MEGF6: variants seen among roughly 807,000 people sequenced by gnomAD.
MEGF6 encodes the protein multiple epidermal growth factor-like domains protein 6.
In MEGF6, 184 loss-of-function variants were observed where a neutral mutation model predicts 207.1. The ratio of observed to expected loss-of-function variants is 0.89; its 90% confidence interval spans 0.79 to 1.00. The LOEUF is 1.00. Among genes scored for constraint, MEGF6 ranks in the 50% least tolerant of loss-of-function variants. The pLI is 0.00. For missense variants in MEGF6, 2,282 were observed against 2,202.9 expected, an observed-to-expected ratio of 1.04 and a Z score of -0.72; for synonymous variants, 1,038 against 910.0, an observed-to-expected ratio of 1.14 and a Z score of -2.53.
At chr1:3,492,885 G>T in intron 34 of MEGF6, 118 bp from the exon 35 acceptor site, 1 of 1,408,738 alleles carries the variant, frequency 7.1e-7, no homozygotes, top group Non-Finnish European at 9.6e-7. Flanking sequence ...CTTCTGCCTG[G>T]GTGTGTGCGG....
rs373426083 is a variant in MEGF6, at chr1:3,560,506, G to C, written c.481+19319C>G. Among the ~76,000 whole-genome samples the C allele has an allele frequency of 2.1e-4, 32 of 152,246 alleles. No homozygotes were observed. Among genetic ancestry groups the C allele is most frequent in the African/African-American group, 7.5e-4 (31 of 41,538 alleles). On this transcript the variant is annotated intron_variant, in intron 4 of 36. Coordinates refer to ENST00000356575, the MANE Select transcript of MEGF6 (RefSeq NM_001409.4). This position sits in a 1 kb window ranked among gnomAD's most constrained non-coding sequence, Gnocchi z 4.0. ...CCCCTGGCACCTCTGCTGTCTCTAC[G>C]GTGTGGCCTTTCCCAGCAGTGTGTG... is the stretch of plus-strand genomic sequence containing the variant.
rs968047846 is a variant in MEGF6, at chr1:3,611,498, T to C, written c.-230A>G. The stretch of plus-strand genomic sequence containing the variant: ...CCCTGCAGGAACTCGCCCCGGCGCG[T>C]TGAGCACAGTGCCCCGGACTCAGAG... On this transcript the variant is annotated 5_prime_UTR_variant, in exon 1 of 37. Coordinates refer to ENST00000356575, the MANE Select transcript of MEGF6 (RefSeq NM_001409.4). 6.0e-5 allele frequency: 29 copies of C among 484,174 alleles called. No homozygotes were observed. The highest frequency in any genetic ancestry group is 9.4e-5 in the Non-Finnish European group (28 of 296,568). 30.0% of individuals were successfully genotyped at this position (484,174 alleles called of 1,614,324 possible). A position where few individuals can be genotyped will look rare whatever the true frequency, so the allele number is the denominator to read the frequency against.
At position 3,531,417 on chromosome 1, in the gene MEGF6, G is replaced by A. The variant is rs1397495368; in HGVS notation, c.482-7171C>T. 9.7e-6 allele frequency: 11 copies of A among 1,134,006 alleles called. No homozygotes were observed. The South Asian group carries it at 1.3e-4, about 14-fold the overall frequency. The allele number at this position is 1,134,006 out of a possible 1,614,324, so 70.2% of individuals were successfully genotyped here. On this transcript the variant is annotated intron_variant, in intron 4 of 36. Transcript: ENST00000356575. ...CGCCGCCCGGGAGCCGCTCTGGGCCGGGCGCGCCCCGCCCCTCGCCTTTAA... is the reference window on the plus strand; with the variant it reads ...CGCCGCCCGGGAGCCGCTCTGGGCCAGGCGCGCCCCGCCCCTCGCCTTTAA...
At chr1:3,532,026 G>A (rs984506706) in intron 4 of MEGF6, among the ~76,000 whole-genome samples, 7 of 152,358 alleles carry the variant, frequency 4.6e-5, no homozygotes, top group African/African-American at 1.7e-4. Context: ...AGGGAGCCTG[G>A]GCGAGGGAAA....
In MEGF6 at chr1:3,507,821, C is replaced by T. The variant is rs756115879; in HGVS notation, c.1763G>A (p.Gly588Asp). The change falls in exon 14 of 37, where the codon GGT becomes GAT. Residue 588 changes from glycine (G) to aspartate (D), a missense_variant. Transcript: ENST00000356575. ...ATCCTCACAGTTAGTTCCACTGACA[C>T]CCGGGGGGCAGCGGCAGGCCCCCGT... ...SVTGACRCPP[G>D]VSGTNCEDGC... 6.2e-7 allele frequency: 1 copy of T among 1,612,856 alleles called. No individual in the cohort carries two copies. The highest frequency in any genetic ancestry group is 8.5e-7 in the Non-Finnish European group (1 of 1,179,938).
Position 3,550,732 on chromosome 1 carries a change from G to A in MEGF6, c.482-26486C>T, listed in dbSNP as rs145839871. 4.6e-5 allele frequency among the ~76,000 whole-genome samples: 7 copies of A among 152,352 alleles called. No individual in the cohort carries two copies. The East Asian group carries it at 5.8e-4, about 13-fold the overall frequency. The stretch of plus-strand genomic sequence containing the variant: ...ACAAGTGCCCAGCAGCCACCCAACC[G>A]GGGCAGGGCTCCGAAGACCCAGCCC... On this transcript the variant is annotated intron_variant, in intron 4 of 36. Coordinates refer to ENST00000356575, the MANE Select transcript of MEGF6 (RefSeq NM_001409.4).
intron 5 of MEGF6, among the ~76,000 whole-genome samples, chr1:3,522,530 G>A (rs931903032): frequency 1.3e-5 from 2 of 151,962 alleles, no homozygotes; most frequent in Non-Finnish European, 2.9e-5. Flanking sequence ...TCCCCAGGAC[G>A]GCCTCCTGGG....
chr1:3,511,860 G>C lies in MEGF6; in HGVS notation c.976+146C>G, dbSNP rs4648391. On this transcript the variant is annotated intron_variant, in intron 8 of 36. Transcript: ENST00000356575. ...GGTCTGGGACCCCCTGCTCTCCCTC[G>C]ACCCTCTGCTCACCAAGGGCTCACA... is the stretch of plus-strand genomic sequence containing the variant. The C allele has an allele frequency of 4.8e-6, 7 of 1,445,254 alleles. No individual in the cohort carries two copies. In the African/African-American group the frequency reaches 8.5e-5, roughly 18 times the overall value. The allele number at this position is 1,445,254 out of a possible 1,614,324, so 89.5% of individuals were successfully genotyped here.
At chr1:3,617,526 T>TG in the MEGF6 span, among the ~76,000 whole-genome samples, 4 of 152,110 alleles carry the variant, frequency 2.6e-5, no homozygotes, top group Admixed American at 2.0e-4. Flanking sequence ...TAATGGATGC[T>TG]GGGCTGAATA....
At chr1:3,575,972 C>T (rs1384558094) in intron 4 of MEGF6, among the ~76,000 whole-genome samples, 1 of 145,178 alleles carries the variant, frequency 6.9e-6, no homozygotes, top group Non-Finnish European at 1.5e-5. Flanking sequence ...ACGCAACCTG[C>T]ACAAAACATC....
chr1:3,488,876 T>A lies in MEGF6; in HGVS notation c.*1652A>T, dbSNP rs752349471. ...TCATTCACCTTTAGATCTGAGAACG[T>A]CTTGGTCGTCGTTGCTTCATGTCAA... On this transcript the variant is annotated 3_prime_UTR_variant, in exon 37 of 37. Coordinates refer to ENST00000356575, the MANE Select transcript of MEGF6 (RefSeq NM_001409.4). Among the ~76,000 whole-genome samples the A allele has an allele frequency of 1.3e-5, 2 of 152,206 alleles. No individual in the cohort carries two copies. The highest frequency in any genetic ancestry group is 2.9e-5 in the Non-Finnish European group (2 of 68,038).
At chr1:3,519,453 A>G (rs866315056) in intron 5 of MEGF6, among the ~76,000 whole-genome samples, 39 of 152,360 alleles carry the variant, frequency 2.6e-4, no homozygotes, top group African/African-American at 9.1e-4. Context: ...CAATGCCCGC[A>G]GTGCTTGCAC....
intron 4 of MEGF6, among the ~76,000 whole-genome samples, chr1:3,566,994 T>A (rs115528446): frequency 1.3e-5 from 2 of 152,186 alleles, no homozygotes; most frequent in Non-Finnish European, 2.9e-5. Flanking sequence ...AACTGAGGCA[T>A]AGTGAGGCCG....
intron 3 of MEGF6, among the ~76,000 whole-genome samples, chr1:3,589,759 C>T (rs1314153511): frequency 1.3e-5 from 2 of 152,204 alleles, no homozygotes; most frequent in African/African-American, 4.8e-5. Context: ...GCATCGGCCC[C>T]GTTCAACACA....
chr1:3,501,085 G>A lies in MEGF6; in HGVS notation c.2456C>T (p.Ala819Val). The change falls in exon 20 of 37, where the codon GCA becomes GTA. Residue 819 changes from alanine to valine, a missense_variant. By Grantham distance (64) the Ala-to-Val change is moderately conservative. Coordinates refer to ENST00000356575, the MANE Select transcript of MEGF6 (RefSeq NM_001409.4). ...VGSRCQDVCP[A>V]GWYGPSCQTR... ...CTGGCAGCTGGGACCATACCAGCCT[G>A]CTGGGCACACTACAGGCAGGCGAGA... 1 of 1,612,740 alleles carries A rather than the reference G, an allele frequency of 6.2e-7. No homozygotes were observed. Among genetic ancestry groups the A allele is most frequent in the East Asian group, 2.2e-5 (1 of 44,878 alleles).
chr1:3,545,368 T>C (rs1198544727), intron 4 of MEGF6, among the ~76,000 whole-genome samples: 1 of 152,134 alleles, frequency 6.6e-6, no homozygotes, highest in African/African-American at 2.4e-5. Context: ...TCTGAGGGAC[T>C]GCACAGGCAG....
intron 4 of MEGF6, among the ~76,000 whole-genome samples, chr1:3,559,543 AAAAAG>A (rs1392379428): frequency 2.0e-5 from 3 of 150,916 alleles, no homozygotes; most frequent in African/African-American, 7.3e-5. Flanking sequence ...AAAAAAAAAA[AAAAAG>A]AAGAAGTCTA....
At chr1:3,585,952 C>T (rs1480734873) in intron 3 of MEGF6, among the ~76,000 whole-genome samples, 19 of 89,278 alleles carry the variant, frequency 2.1e-4, no homozygotes, top group East Asian at 4.3e-4. Flanking sequence ...GGTGTGAGGA[C>T]GCATGTCCTG....
At chr1:3,578,505 A>G (rs1643703050) in intron 4 of MEGF6, among the ~76,000 whole-genome samples, 1 of 148,488 alleles carries the variant, frequency 6.7e-6, no homozygotes, top group South Asian at 2.3e-4. Context: ...TGCAGCCTGG[A>G]TGTCACAGGG....
Sources: allele counts gnomAD v4.1 joint callset (sites outside exome capture counted in the v4.1 genomes callset), GRCh38; gene constraint gnomAD v4.1.1; non-coding constraint Gnocchi (gnomAD v3.1); transcripts MANE v1.5; gene names NCBI Gene and HGNC (gene_info 2026-07-23, HGNC 2026-07-21).